EIF1: variants seen among roughly 807,000 people sequenced by gnomAD.
EIF1 encodes the protein protein translation factor SUI1 homolog.
Under a neutral mutation model 13.7 loss-of-function variants are expected in EIF1, and 4 were observed. The observed-to-expected ratio is 0.29, with a 90% CI of 0.14 to 0.67. The LOEUF (loss-of-function observed/expected upper bound fraction) is 0.67. EIF1 is among the 30% of genes least tolerant of loss of function. The probability of loss-of-function intolerance (pLI) is 0.77; values close to 1 mark genes in which losing one functional copy is unlikely to be tolerated. For synonymous variants in EIF1, 67 were observed against 50.7 expected (o/e 1.32, Z -1.37); for missense variants, 64 against 138.0 (o/e 0.46, Z 2.69).
In EIF1 at chr17:41,692,591, A is replaced by C. The variant is rs1341442999; in HGVS notation, c.*1765A>C. Reference sequence around the variant, plus strand: ...TTACTGTACCTTTTAACATTGTGTTACAATGGCCTACAAGAAGCTTGTGTG... The same window carrying C: ...TTACTGTACCTTTTAACATTGTGTTCCAATGGCCTACAAGAAGCTTGTGTG... On this transcript the variant is annotated 3_prime_UTR_variant, in exon 4 of 4. Transcript: ENST00000469257. The C allele has an allele frequency of 1.3e-5, 2 of 152,266 alleles. No individual in the cohort carries two copies. The highest frequency in any genetic ancestry group is 4.8e-5 in the African/African-American group (2 of 41,472). The allele number at this position is 152,266 out of a possible 1,614,324, so 9.4% of individuals were successfully genotyped here. A position where few individuals can be genotyped will look rare whatever the true frequency, so the allele number is the denominator to read the frequency against.
chr17:41,690,791 G>A lies in EIF1; in HGVS notation c.307G>A (p.Ala103Thr), dbSNP rs772722219. The change falls in exon 4 of 4, where the codon GCT becomes ACT. Residue 103 changes from alanine to threonine, a missense_variant. Around this residue, in one of 2 missense-constraint regions of EIF1, gnomAD observed 35 missense variants for 103.4 expected, o/e 0.34. Transcript: ENST00000469257. ...ICQFLVEIGL[A>T]KDDQLKVHGF ...CCTTTTGTCTTTTCAGATTGGACTG[G>A]CTAAGGACGATCAGCTGAAGGTTCA... is the stretch of plus-strand genomic sequence containing the variant. The A allele has an allele frequency of 1.2e-6, 2 of 1,613,920 alleles. No individual in the cohort carries two copies. The highest frequency in any genetic ancestry group is 2.2e-5 in the East Asian group (1 of 44,886).
chr17:41,690,367 C>G (rs1315921463), intron 3 of EIF1, 178 bp downstream of exon 3: 14 of 585,718 alleles, frequency 2.4e-5, no homozygotes, highest in Non-Finnish European at 4.2e-5. Flanking sequence ...GACTTGTCTA[C>G]CTTTGGTTTA....
rs774718994 is a variant in EIF1 at position 41,692,187 on chromosome 17, C to T, written c.*1361C>T. On this transcript the variant is annotated 3_prime_UTR_variant, in exon 4 of 4. Coordinates refer to ENST00000469257, the MANE Select transcript of EIF1 (RefSeq NM_005801.4). ...GGGTTGCTTGGAAATCTTGGCGCCC[C>T]CTCAGTAGTAACAGCCTTGGTTTAA... 6.6e-6 allele frequency: 1 copy of T among 152,190 alleles called. No homozygotes were observed. The highest frequency in any genetic ancestry group is 1.5e-5 in the Non-Finnish European group (1 of 68,058). The allele number at this position is 152,190 out of a possible 1,614,324, so 9.4% of individuals were successfully genotyped here. A position where few individuals can be genotyped will look rare whatever the true frequency, so the allele number is the denominator to read the frequency against.
At position 41,690,790 on chromosome 17, in the gene EIF1, G is replaced by A. The variant is rs1276273394; in HGVS notation, c.306G>A (p.Leu102=). 1.2e-6 allele frequency: 2 copies of A among 1,613,894 alleles called. No homozygotes were observed. The highest frequency in any genetic ancestry group is 1.1e-5 in the South Asian group (1 of 91,076). Reference sequence around the variant, plus strand: ...CCCTTTTGTCTTTTCAGATTGGACTGGCTAAGGACGATCAGCTGAAGGTTC... The same window carrying A: ...CCCTTTTGTCTTTTCAGATTGGACTAGCTAAGGACGATCAGCTGAAGGTTC... The part of the protein sequence containing the change: ...NICQFLVEIG[L]AKDDQLKVHG... The change falls in exon 4 of 4, where the codon CTG becomes CTA. Residue 102 remains leucine, a synonymous_variant. Coordinates refer to ENST00000469257, the MANE Select transcript of EIF1 (RefSeq NM_005801.4).
In EIF1 at chr17:41,692,284, C is replaced by A. The variant is rs894487638; in HGVS notation, c.*1458C>A. On this transcript the variant is annotated 3_prime_UTR_variant, in exon 4 of 4. Coordinates refer to ENST00000469257, the MANE Select transcript of EIF1 (RefSeq NM_005801.4). The stretch of plus-strand genomic sequence containing the variant: ...ATGCTGTGGGTTAAGATCCACAAAT[C>A]GCTAGGAATGTGTATACTCTGGGTA... 2 of 152,134 alleles carry A rather than the reference C, an allele frequency of 1.3e-5. No homozygotes were observed. Among genetic ancestry groups the A allele is most frequent in the African/African-American group, 4.8e-5 (2 of 41,416 alleles). 9.4% of individuals were successfully genotyped at this position (152,134 alleles called of 1,614,324 possible).
intron 1 of EIF1, 61 bp downstream of exon 1, chr17:41,689,130 C>A: frequency 6.3e-7 from 1 of 1,585,870 alleles, no homozygotes; most frequent in Non-Finnish European, 8.6e-7. Flanking sequence ...GGCCCGGAGA[C>A]GTGTTCCGGG....
At chr17:41,690,223 T>G in intron 3 of EIF1, 34 bp downstream of exon 3, 3 of 1,559,526 alleles carry the variant, frequency 1.9e-6, no homozygotes, top group Non-Finnish European at 2.7e-6. Context: ...TGTGCCTCTC[T>G]GCTGGCAAAT....
Position 41,688,986 on chromosome 17 carries a change from G to C in EIF1, c.-53G>C. ...CCCCTGCCCGCCTTCTCCCGCCACC[G>C]CCGCCGCCGCCTTCCGCAGGCCGTT... On this transcript the variant is annotated 5_prime_UTR_variant, in exon 1 of 4. Transcript: ENST00000469257. 1 of 1,535,538 alleles carries C rather than the reference G, an allele frequency of 6.5e-7. No individual in the cohort carries two copies. The highest frequency in any genetic ancestry group is 8.9e-7 in the Non-Finnish European group (1 of 1,129,660).
chr17:41,691,301 A>G lies in EIF1; in HGVS notation c.*475A>G, dbSNP rs1910370196. ...TAGATCCCCTGGTGTCTCCAACCTG[A>G]CTAGGTGGACAGAGCTCAAAGAGGC... is the stretch of plus-strand genomic sequence containing the variant. On this transcript the variant is annotated 3_prime_UTR_variant, in exon 4 of 4. Transcript: ENST00000469257. The G allele has an allele frequency of 4.2e-6, 1 of 236,622 alleles. No individual in the cohort carries two copies. The highest frequency in any genetic ancestry group is 2.2e-5 in the African/African-American group (1 of 44,754). 14.7% of individuals were successfully genotyped at this position (236,622 alleles called of 1,614,324 possible). A position where few individuals can be genotyped will look rare whatever the true frequency, so the allele number is the denominator to read the frequency against.
At chr17:41,689,652 C>T (rs535350788) in intron 1 of EIF1, 126 bp from the exon 2 acceptor site, 2 of 959,734 alleles carry the variant, frequency 2.1e-6, no homozygotes, top group African/African-American at 1.7e-5. Context: ...AGGACACATT[C>T]GGCCTGGCCC....
At position 41,688,929 on chromosome 17, in the gene EIF1, T is replaced by G; in HGVS notation, c.-110T>G. The stretch of plus-strand genomic sequence containing the variant: ...CGCCGAGGATTCAGCAGCCTCCCCC[T>G]TGAGCCCCCTCGCTTCCCGACGTTC... On this transcript the variant is annotated 5_prime_UTR_variant, in exon 1 of 4. Transcript: ENST00000469257. The G allele has an allele frequency of 8.7e-7, 1 of 1,144,494 alleles. No individual in the cohort carries two copies. The allele number at this position is 1,144,494 out of a possible 1,614,324, so 70.9% of individuals were successfully genotyped here.
At chr17:41,690,541 G>A (rs542857831) in intron 3 of EIF1, 24 of 572,974 alleles carry the variant, frequency 4.2e-5, no homozygotes, top group Non-Finnish European at 7.1e-5. Context: ...ATCAGCTCTT[G>A]ATATAATTGA....
In EIF1 at chr17:41,689,817, C is replaced by T. The variant is rs1281929196; in HGVS notation, c.71C>T (p.Pro24Leu). Residue 24 changes from proline to leucine, a missense_variant, in exon 2 of 4, where the codon CCT (proline) becomes CTT (leucine). Physicochemically the swap from Pro to Leu is moderately conservative, Grantham distance 98. Around this residue, in one of 2 missense-constraint regions of EIF1, gnomAD observed 29 missense variants for 34.7 expected, o/e 0.84. Transcript: ENST00000469257. Reference protein sequence around the residue: ...ADASKGDDLLPAGTEDYIHIR... With the variant: ...ADASKGDDLLLAGTEDYIHIR... ...GCAAGTAAGGGTGATGACCTGCTTC[C>T]TGCTGGCACTGAGGATTATATCCAT... is the stretch of plus-strand genomic sequence containing the variant. The T allele has an allele frequency of 3.1e-6, 5 of 1,613,216 alleles. No homozygotes were observed. Among genetic ancestry groups the T allele is most frequent in the South Asian group, 2.2e-5 (2 of 91,002 alleles).
intron 1 of EIF1, 83 bp from the exon 2 acceptor site, chr17:41,689,695 C>A: frequency 7.1e-7 from 1 of 1,405,258 alleles, no homozygotes; most frequent in Non-Finnish European, 9.6e-7. Flanking sequence ...GTTTTCTGCA[C>A]GCGCAAAACA....
chr17:41,690,040 G>C, intron 2 of EIF1, 48 bp from the exon 3 acceptor site: 1 of 1,610,138 alleles, frequency 6.2e-7, no homozygotes, highest in Non-Finnish European at 8.5e-7. Context: ...GGTGATAAAT[G>C]CGTTCATGCT....
rs1242860565 is a variant in EIF1, at chr17:41,691,844, G to C, written c.*1018G>C. 2 of 152,228 alleles carry C rather than the reference G, an allele frequency of 1.3e-5. No individual in the cohort carries two copies. Among genetic ancestry groups the C allele is most frequent in the Non-Finnish European group, 2.9e-5 (2 of 68,068 alleles). 9.4% of individuals were successfully genotyped at this position (152,228 alleles called of 1,614,324 possible). ...TTTTTGAGACAGGTTTGCCCTTGTT[G>C]CCCAGGCTGGAGTGCAGTGGCACAA... On this transcript the variant is annotated 3_prime_UTR_variant, in exon 4 of 4. Transcript: ENST00000469257.
rs994338468 is a variant in EIF1, at chr17:41,688,936, C to A, written c.-103C>A. Reference sequence around the variant, plus strand: ...GATTCAGCAGCCTCCCCCTTGAGCCCCCTCGCTTCCCGACGTTCCGTTCCC... The same window carrying A: ...GATTCAGCAGCCTCCCCCTTGAGCCACCTCGCTTCCCGACGTTCCGTTCCC... On this transcript the variant is annotated 5_prime_UTR_variant, in exon 1 of 4. Coordinates refer to ENST00000469257, the MANE Select transcript of EIF1 (RefSeq NM_005801.4). 8 of 1,231,054 alleles carry A rather than the reference C, an allele frequency of 6.5e-6. No homozygotes were observed. Among genetic ancestry groups the A allele is most frequent in the African/African-American group, 2.9e-5 (2 of 67,832 alleles). The allele number at this position is 1,231,054 out of a possible 1,614,324, so 76.3% of individuals were successfully genotyped here.
Position 41,688,931 on chromosome 17 carries a change from G to T in EIF1, c.-108G>T. 1 of 1,160,990 alleles carries T rather than the reference G, an allele frequency of 8.6e-7. No individual in the cohort carries two copies. The highest frequency in any genetic ancestry group is 1.5e-5 in the African/African-American group (1 of 66,596). 71.9% of individuals were successfully genotyped at this position (1,160,990 alleles called of 1,614,324 possible). A position where few individuals can be genotyped will look rare whatever the true frequency, so the allele number is the denominator to read the frequency against. ...CCGAGGATTCAGCAGCCTCCCCCTT[G>T]AGCCCCCTCGCTTCCCGACGTTCCG... On this transcript the variant is annotated 5_prime_UTR_variant, in exon 1 of 4. Coordinates refer to ENST00000469257, the MANE Select transcript of EIF1 (RefSeq NM_005801.4).
chr17:41,690,707 G>A, intron 3 of EIF1, 75 bp from the exon 4 acceptor site: 1 of 1,537,464 alleles, frequency 6.5e-7, no homozygotes, highest in Admixed American at 1.7e-5. Context: ...AGGAAGACAG[G>A]GTTGTTGCCA....
Sources: gnomAD v4.1 joint callset for allele counts on GRCh38, gnomAD v4.1.1 for gene constraint, gnomAD v4.1.1 regional missense constraint, MANE v1.5 for transcripts, NCBI Gene and HGNC (gene_info 2026-07-23, HGNC 2026-07-21) for gene names.